Variants in ADK observed in about 807,000 individuals in gnomAD.
The protein encoded by ADK is adenosine kinase.
A neutral mutation model predicts 44.7 loss-of-function variants in ADK; 24 were observed. That is an observed-to-expected ratio of 0.54 (90% CI 0.39 to 0.76). The LOEUF (loss-of-function observed/expected upper bound fraction) is 0.76. ADK is among the 30% of genes least tolerant of loss of function. ADK has a pLI of 0.00. For synonymous variants in ADK, 128 were observed against 142.6 expected (o/e 0.90, Z 0.73); for missense variants, 321 against 425.1 (o/e 0.76, Z 2.15).
chr10:74,454,990 C>T (rs955586945), intron 6 of ADK, among the ~76,000 whole-genome samples: 12 of 152,144 alleles, frequency 7.9e-5, no homozygotes, highest in Admixed American at 5.9e-4. Flanking sequence ...GGGCAGGGGA[C>T]AGTCAGAGAG....
chr10:74,272,297 A>G (rs1283585948), intron 3 of ADK, among the ~76,000 whole-genome samples: 1 of 149,404 alleles, frequency 6.7e-6, no homozygotes, highest in East Asian at 2.0e-4. Flanking sequence ...TTTTTTTTTG[A>G]GACAGGGTCT....
intron 7 of ADK, among the ~76,000 whole-genome samples, chr10:74,527,003 C>T (rs1849066959): frequency 6.6e-6 from 1 of 152,164 alleles, no homozygotes; most frequent in African/African-American, 2.4e-5. Context: ...ATCAGACTGG[C>T]AGCACTTAAA....
intron 4 of ADK, among the ~76,000 whole-genome samples, chr10:74,388,962 G>A (rs912066174): frequency 6.6e-6 from 1 of 152,142 alleles, no homozygotes; most frequent in African/African-American, 2.4e-5. Flanking sequence ...CCCTCTCCAT[G>A]GTGTGGAACT....
intron 3 of ADK, among the ~76,000 whole-genome samples, chr10:74,295,664 GT>G (rs1332163914): frequency 6.6e-6 from 1 of 150,568 alleles, no homozygotes; most frequent in African/African-American, 2.4e-5. Flanking sequence ...TCTATGATTG[GT>G]TTTACTTCTA....
intron 6 of ADK, among the ~76,000 whole-genome samples, chr10:74,484,149 C>T (rs1270549917): frequency 6.6e-6 from 1 of 152,144 alleles, no homozygotes; most frequent in Admixed American, 6.5e-5. Context: ...TTAATTGGCT[C>T]ATAGTTCCGC....
intron 6 of ADK, among the ~76,000 whole-genome samples, chr10:74,412,156 A>G (rs1033971692): frequency 2.0e-5 from 3 of 152,198 alleles, no homozygotes; most frequent in South Asian, 2.1e-4. Context: ...ATTAATGTTA[A>G]TATTTTGACC....
intron 9 of ADK, among the ~76,000 whole-genome samples, chr10:74,602,740 G>T (rs919833853): frequency 4.6e-5 from 7 of 152,154 alleles, no homozygotes; most frequent in African/African-American, 1.7e-4. Context: ...TCTGTTCAGT[G>T]GTGTCAGCTA....
At chr10:74,358,199 C>T (rs543728051) in intron 4 of ADK, among the ~76,000 whole-genome samples, 2 of 152,196 alleles carry the variant, frequency 1.3e-5, no homozygotes, top group East Asian at 3.9e-4. Flanking sequence ...ATGAAATTAC[C>T]TCATATCCAA....
At chr10:74,701,815 C>T (rs763596473) in intron 10 of ADK, among the ~76,000 whole-genome samples, 5 of 152,058 alleles carry the variant, frequency 3.3e-5, no homozygotes, top group African/African-American at 7.2e-5. Flanking sequence ...CATGGTGGCT[C>T]ATGTAGTCCC....
chr10:74,267,754 T>TTGTGTGTG (rs372502769), intron 3 of ADK, among the ~76,000 whole-genome samples: 2,710 of 132,752 alleles, frequency 0.02, 36 homozygotes, highest in East Asian at 0.035. Flanking sequence ...ATATCCTTAT[T>TTGTGTGTG]TGTGTGTGTG....
chr10:74,519,299 C>T (rs542021727), intron 6 of ADK, among the ~76,000 whole-genome samples: 2 of 151,978 alleles, frequency 1.3e-5, no homozygotes, highest in East Asian at 3.9e-4. Flanking sequence ...TGAAATGCTT[C>T]AATTTTTACA....
At chr10:74,396,156 A>G (rs1482548819) in intron 5 of ADK, among the ~76,000 whole-genome samples, 1 of 152,218 alleles carries the variant, frequency 6.6e-6, no homozygotes, top group Non-Finnish European at 1.5e-5. Flanking sequence ...TTCAGTATCT[A>G]AATCATTATC....
rs549039019 is a variant in ADK at position 74,224,996 on chromosome 10, T to C, written c.194+405T>C. On this transcript the variant is annotated intron_variant, in intron 3 of 10. Coordinates refer to ENST00000539909, the MANE Select transcript of ADK (RefSeq NM_006721.4). ...TACTCCGGTGGATCACCCACCTTCA[T>C]GGTAATGATAGACAAATATAATTTT... Among the ~76,000 whole-genome samples the C allele has an allele frequency of 4.6e-5, 7 of 152,382 alleles. No individual in the cohort carries two copies. In the East Asian group the frequency reaches 1.3e-3, roughly 29 times the overall value.
At chr10:74,410,926 T>G (rs1844154031) in intron 6 of ADK, among the ~76,000 whole-genome samples, 1 of 152,176 alleles carries the variant, frequency 6.6e-6, no homozygotes, top group African/African-American at 2.4e-5. Flanking sequence ...ATTTATTAAT[T>G]TATAATATTC....
intron 6 of ADK, among the ~76,000 whole-genome samples, chr10:74,399,175 GAATT>G (rs1843625690): frequency 6.6e-6 from 1 of 151,240 alleles, no homozygotes; most frequent in Non-Finnish European, 1.5e-5. Context: ...TAAAAATTCT[GAATT>G]AATCACCCCA....
At chr10:74,438,399 T>TG (rs1289515645) in intron 6 of ADK, among the ~76,000 whole-genome samples, 52 of 132,160 alleles carry the variant, frequency 3.9e-4, no homozygotes, top group Non-Finnish European at 8.1e-4. Flanking sequence ...TAATTTTTTT[T>TG]TTTTTTATCT....
At chr10:74,307,693 A>G (rs538862258) in intron 3 of ADK, among the ~76,000 whole-genome samples, 57 of 152,194 alleles carry the variant, frequency 3.7e-4, no homozygotes, top group African/African-American at 1.3e-3. Context: ...TTAGCTAGTT[A>G]TTGCTTAACT....
chr10:74,302,128 T>TTTG (rs1840075521), intron 3 of ADK, among the ~76,000 whole-genome samples: 3 of 89,388 alleles, frequency 3.4e-5, no homozygotes, highest in African/African-American at 8.5e-5. Context: ...TTTTTTTTTT[T>TTTG]TTTTTTTTTT....
chr10:74,412,990 G>A (rs1008614485), intron 6 of ADK, among the ~76,000 whole-genome samples: 1 of 152,062 alleles, frequency 6.6e-6, no homozygotes, highest in Non-Finnish European at 1.5e-5. Flanking sequence ...CCCTGGAGGC[G>A]GAGGTTGCGG....
Sources: gnomAD v4.1 joint callset for allele counts (sites outside exome capture counted in the v4.1 genomes callset) on GRCh38, gnomAD v4.1.1 for gene constraint, MANE v1.5 for transcripts, NCBI Gene and HGNC (gene_info 2026-07-23, HGNC 2026-07-21) for gene names.